The following KGD4 variants were observed in gnomAD, a reference collection of about 807,000 sequenced individuals.
KGD4 encodes alpha-ketoglutarate dehydrogenase subunit 4, also known as alpha-ketoglutarate dehydrogenase component 4.
chr5:69,228,464 T>C, the KGD4 span: 22 of 1,358,746 alleles, frequency 1.6e-5, no homozygotes. Context: ...TTTGCTGATT[T>C]ACATGCTATT....
At chr5:69,225,060 T>TGAG in the KGD4 span, among the ~76,000 whole-genome samples, 107 of 136,426 alleles carry the variant, frequency 7.8e-4, 1 homozygote, top group East Asian at 9.2e-3. Context: ...GGCGACAGAG[T>TGAG]GAGACTCCGT....
chr5:69,217,844 G>A, the KGD4 span: 2 of 1,613,940 alleles, frequency 1.2e-6, no homozygotes, highest in East Asian at 2.2e-5. Flanking sequence ...TGGGCAGCAA[G>A]ATGGCGTCTG....
At chr5:69,217,790 G>A in the KGD4 span, 11 of 1,613,020 alleles carry the variant, frequency 6.8e-6, no homozygotes, top group Non-Finnish European at 9.3e-6. Flanking sequence ...TGATCGCCGC[G>A]GCTCGCTCGC....
At chr5:69,225,920 G>A in the KGD4 span, among the ~76,000 whole-genome samples, 6 of 152,138 alleles carry the variant, frequency 3.9e-5, no homozygotes, top group Non-Finnish European at 7.4e-5. Flanking sequence ...TGGTAGAGAC[G>A]GGGTTTCACC....
At chr5:69,217,803 C>G in the KGD4 span, 1 of 1,613,562 alleles carries the variant, frequency 6.2e-7, no homozygotes, top group Non-Finnish European at 8.5e-7. Context: ...TCGCTCGCGC[C>G]CCGGAAACTG....
At chr5:69,228,138 G>T in the KGD4 span, 1 of 1,264,494 alleles carries the variant, frequency 7.9e-7, no homozygotes, top group Admixed American at 3.0e-5. Flanking sequence ...AGTATTTTAA[G>T]ACTCAGTATT....
chr5:69,226,665 G>T, the KGD4 span, among the ~76,000 whole-genome samples: 127 of 152,002 alleles, frequency 8.4e-4, 1 homozygote, highest in Admixed American at 1.2e-3. Context: ...TGGCCAACAT[G>T]GTGAAACCCT....
chr5:69,217,933 G>A, the KGD4 span: 9 of 1,613,036 alleles, frequency 5.6e-6, no homozygotes, highest in Non-Finnish European at 6.8e-6. Flanking sequence ...CTATGGCGAC[G>A]GCGTCGGGGA....
chr5:69,226,335 T>C, the KGD4 span: 1 of 1,597,632 alleles, frequency 6.3e-7, no homozygotes, highest in Non-Finnish European at 8.6e-7. Flanking sequence ...ACTTTTCATT[T>C]AGGTAGTCAA....
At chr5:69,223,666 T>A in the KGD4 span, among the ~76,000 whole-genome samples, 1 of 91,684 alleles carries the variant, frequency 1.1e-5, no homozygotes, top group Non-Finnish European at 2.4e-5. Flanking sequence ...AGATTTCATA[T>A]TGACAGGTCC....
the KGD4 span, chr5:69,228,305 C>G: frequency 1.2e-6 from 2 of 1,606,812 alleles, no homozygotes; most frequent in African/African-American, 2.7e-5. Flanking sequence ...CAGGGTCCAC[C>G]AGACACTGCA....
the KGD4 span, chr5:69,217,889 G>A: frequency 6.8e-6 from 11 of 1,614,070 alleles, no homozygotes; most frequent in South Asian, 1.1e-4. Flanking sequence ...AATTTGTCGC[G>A]TTTCCGCATC....
the KGD4 span, chr5:69,229,868 A>G: frequency 3.9e-5 from 6 of 152,096 alleles, no homozygotes; most frequent in African/African-American, 1.2e-4. Context: ...TAAGAGATCA[A>G]AATGAATATA....
At chr5:69,229,598 C>T in the KGD4 span, 1 of 164,988 alleles carries the variant, frequency 6.1e-6, no homozygotes, top group African/African-American at 2.4e-5. Flanking sequence ...AAAAATTTAT[C>T]AGTCAGAATT....
At chr5:69,229,544 CAT>C in the KGD4 span, 1 of 209,312 alleles carries the variant, frequency 4.8e-6, no homozygotes, top group Non-Finnish European at 9.4e-6. Context: ...AGTAAACTAT[CAT>C]AGGATTCCCA....
At chr5:69,227,793 A>T in the KGD4 span, among the ~76,000 whole-genome samples, 1 of 152,184 alleles carries the variant, frequency 6.6e-6, no homozygotes, top group Admixed American at 6.5e-5. Flanking sequence ...ATTATTTTAC[A>T]TTTTTGTAAT....
At chr5:69,227,645 T>C in the KGD4 span, among the ~76,000 whole-genome samples, 10 of 152,252 alleles carry the variant, frequency 6.6e-5, no homozygotes, top group Non-Finnish European at 1.5e-4. Flanking sequence ...CTCATTTACA[T>C]TTACTGACTT....
the KGD4 span, among the ~76,000 whole-genome samples, chr5:69,227,190 A>G: frequency 1.3e-5 from 2 of 152,138 alleles, no homozygotes; most frequent in Non-Finnish European, 2.9e-5. Context: ...CTATTTTAAA[A>G]GGTAGTGACT....
At chr5:69,225,175 G>A in the KGD4 span, among the ~76,000 whole-genome samples, 7 of 151,148 alleles carry the variant, frequency 4.6e-5, no homozygotes, top group South Asian at 1.5e-3. Flanking sequence ...CAAGATCTGA[G>A]CTCACTGCAA....
Sources: gnomAD v4.1 joint callset for allele counts (sites outside exome capture counted in the v4.1 genomes callset) on GRCh38, gnomAD v4.1.1 for gene constraint, MANE v1.5 for transcripts, NCBI Gene and HGNC (gene_info 2026-07-23, HGNC 2026-07-21) for gene names.